The following SV2C variants were observed in gnomAD, a reference collection of about 807,000 sequenced individuals.
The protein encoded by SV2C is solute carrier family 22 member B3.
SV2C carries 49 observed loss-of-function variants against 79.7 expected under a neutral mutation model. The ratio of observed to expected loss-of-function variants is 0.61; its 90% CI spans 0.49 to 0.78. The LOEUF is 0.78. SV2C is among the 30% of genes least tolerant of loss of function. The pLI, the probability that SV2C is intolerant of heterozygous loss-of-function variation, is 0.00. For synonymous variants in SV2C, 334 were observed against 333.2 expected (o/e 1.00, Z -0.03); for missense variants, 833 against 912.9 (o/e 0.91, Z 1.13).
chr5:76,102,914 C>G (rs2112122085), intron 1 of SV2C, among the ~76,000 whole-genome samples: 1 of 152,216 alleles, frequency 6.6e-6, no homozygotes, highest in East Asian at 1.9e-4. Context: ...TTGTTTATAT[C>G]CAGAGGCAGC....
intron 2 of SV2C, among the ~76,000 whole-genome samples, chr5:76,157,636 C>T (rs77116385): frequency 9.9e-6 from 1 of 100,644 alleles, no homozygotes. Context: ...TATTTGCTAA[C>T]AAAGGAGGTA....
the SV2C span, among the ~76,000 whole-genome samples, chr5:75,999,666 C>A: frequency 8.0e-6 from 1 of 124,942 alleles, no homozygotes; most frequent in African/African-American, 3.3e-5. Context: ...TTTTTTTTTT[C>A]TACCCAGGCC....
chr5:76,101,111 G>T (rs1226063369), intron 1 of SV2C, among the ~76,000 whole-genome samples: 2 of 152,122 alleles, frequency 1.3e-5, no homozygotes, highest in African/African-American at 4.8e-5. Flanking sequence ...GTGAATGGGG[G>T]TGCAGAGGTG....
the SV2C span, among the ~76,000 whole-genome samples, chr5:75,847,868 A>C: frequency 1.4e-3 from 216 of 152,314 alleles, no homozygotes; most frequent in Non-Finnish European, 2.5e-3. Context: ...ACCTGTCTCC[A>C]CCCTATAAAA....
the SV2C span, among the ~76,000 whole-genome samples, chr5:75,852,844 G>GA: frequency 8.0e-6 from 1 of 125,144 alleles, no homozygotes; most frequent in African/African-American, 3.6e-5. Flanking sequence ...AAAAAAAAAA[G>GA]AAAAAAGAAA....
At chr5:75,967,466 C>T in the SV2C span, among the ~76,000 whole-genome samples, 32 of 152,174 alleles carry the variant, frequency 2.1e-4, no homozygotes, top group Non-Finnish European at 3.5e-4. Flanking sequence ...TCGGGTCACT[C>T]TCACCCTAAT....
chr5:76,218,658 T>C (rs574314416), intron 4 of SV2C, among the ~76,000 whole-genome samples: 9 of 152,180 alleles, frequency 5.9e-5, no homozygotes, highest in Non-Finnish European at 1.2e-4. Context: ...TGTGGGGCTT[T>C]AAACCTAGAT....
chr5:76,156,823 G>T (rs1008770064), intron 2 of SV2C, among the ~76,000 whole-genome samples: 7 of 149,512 alleles, frequency 4.7e-5, no homozygotes, highest in Non-Finnish European at 8.8e-5. Flanking sequence ...ACTGACAAAA[G>T]AAAGAATTAA....
At chr5:76,285,350 C>T in intron 5 of SV2C, 55 bp downstream of exon 5, 1 of 1,598,642 alleles carries the variant, frequency 6.3e-7, no homozygotes, top group Non-Finnish European at 8.5e-7. Context: ...GAAAAAGTTC[C>T]TTGTTAATTC....
chr5:75,957,388 T>A, the SV2C span, among the ~76,000 whole-genome samples: 1 of 152,024 alleles, frequency 6.6e-6, no homozygotes, highest in Admixed American at 6.6e-5. Flanking sequence ...TACCAATTGC[T>A]TCAATGGCAA....
chr5:76,033,523 A>G, the SV2C span, among the ~76,000 whole-genome samples: 17 of 152,056 alleles, frequency 1.1e-4, no homozygotes, highest in Non-Finnish European at 1.8e-4. Flanking sequence ...CCCATTGCTT[A>G]TTTTTCTCAG....
chr5:76,301,050 A>C (rs1232014240), intron 11 of SV2C, 118 bp downstream of exon 11: 22 of 1,146,252 alleles, frequency 1.9e-5, no homozygotes, highest in Non-Finnish European at 2.5e-6. Flanking sequence ...AATCCTTTAG[A>C]CCTTACGTTG....
At chr5:76,079,526 G>C (rs1746947912), upstream of SV2C, 1 of 292,938 alleles carries the variant, frequency 3.4e-6, no homozygotes, top group African/African-American at 2.3e-5. Flanking sequence ...CACATCTCTG[G>C]AACAAGATTC....
At chr5:76,109,080 G>A (rs1416448647) in intron 1 of SV2C, among the ~76,000 whole-genome samples, 1 of 152,176 alleles carries the variant, frequency 6.6e-6, no homozygotes. Flanking sequence ...TTCAGAAGAA[G>A]AATTTGTGTT....
rs1241910319 is a variant in SV2C, at chr5:76,219,052, C to T, written c.913+9165C>T. ...TAAGGCATGCCAAAGTGTCCTGTGC[C>T]CACTACTCTAGGGTGTCAGGGCAGG... is the stretch of plus-strand genomic sequence containing the variant. On this transcript the variant is annotated intron_variant, in intron 4 of 12. Coordinates refer to ENST00000502798, the MANE Select transcript of SV2C (RefSeq NM_014979.4). Among the ~76,000 whole-genome samples, 7 of 152,080 alleles carry T rather than the reference C, an allele frequency of 4.6e-5. No homozygotes were observed. In the South Asian group the frequency reaches 8.3e-4, roughly 18 times the overall value.
At chr5:76,149,522 G>A (rs778247453) in intron 2 of SV2C, among the ~76,000 whole-genome samples, 35 of 152,218 alleles carry the variant, frequency 2.3e-4, no homozygotes, top group Non-Finnish European at 4.3e-4. Context: ...ACCCCCAGCA[G>A]TTGTGATAAT....
chr5:76,087,320 T>C (rs1747231795), intron 1 of SV2C, among the ~76,000 whole-genome samples: 1 of 152,240 alleles, frequency 6.6e-6, no homozygotes. Flanking sequence ...TTGCTACATC[T>C]TTTCCCATAG....
the SV2C span, among the ~76,000 whole-genome samples, chr5:75,903,358 C>G: frequency 6.9e-6 from 1 of 144,980 alleles, no homozygotes; most frequent in Non-Finnish European, 1.5e-5. Context: ...AGAGGTACCA[C>G]AAAAAGGTGT....
At chr5:76,199,507 C>G (rs750283113) in intron 3 of SV2C, among the ~76,000 whole-genome samples, 1 of 152,208 alleles carries the variant, frequency 6.6e-6, no homozygotes, top group African/African-American at 2.4e-5. Flanking sequence ...GTTTTGTCTC[C>G]TTGGCAGCAC....
Sources: allele counts gnomAD v4.1 joint callset (sites outside exome capture counted in the v4.1 genomes callset), GRCh38; gene constraint gnomAD v4.1.1; transcripts MANE v1.5; gene names NCBI Gene and HGNC (gene_info 2026-07-23, HGNC 2026-07-21).